Variants in SUV39H2 observed in about 807,000 individuals in gnomAD.
The protein encoded by SUV39H2 is SUV39H2 histone lysine methyltransferase, also known as histone-lysine N-methyltransferase SUV39H2.
A neutral mutation model predicts 47.5 loss-of-function variants in SUV39H2; 10 were observed. The observed-to-expected ratio is 0.21, with a 90% confidence interval of 0.13 to 0.36. The LOEUF (loss-of-function observed/expected upper bound fraction) is 0.36. Among genes scored for constraint, SUV39H2 ranks in the 10% least tolerant of loss-of-function variants. The pLI is 1.00. For missense variants in SUV39H2, 266 were observed against 487.4 expected (o/e 0.55, Z 4.28); for synonymous variants, 159 against 166.8 (o/e 0.95, Z 0.36).
At chr10:14,879,972 T>C (rs1182030822) in intron 1 of SUV39H2, 1 of 152,018 alleles carries the variant, frequency 6.6e-6, no homozygotes, top group Non-Finnish European at 1.5e-5. Context: ...GGTTGTGTTT[T>C]GAATCCTCAA....
chr10:14,881,308 GA>G (rs1490256586), intron 1 of SUV39H2, among the ~76,000 whole-genome samples, 191 bp from the exon 2 acceptor site: 3 of 152,150 alleles, frequency 2.0e-5, no homozygotes, highest in African/African-American at 7.2e-5. Context: ...GAAAATCCAA[GA>G]ACACCAATTT....
chr10:14,879,552 G>C (rs888976444), intron 1 of SUV39H2, among the ~76,000 whole-genome samples: 2 of 152,116 alleles, frequency 1.3e-5, no homozygotes, highest in Non-Finnish European at 2.9e-5. Flanking sequence ...TTCACCCACC[G>C]GGAGCTTGGT....
At chr10:14,897,926 C>CT (rs1260423527) in intron 3 of SUV39H2, 1 of 153,080 alleles carries the variant, frequency 6.5e-6, no homozygotes, top group Admixed American at 6.5e-5. Flanking sequence ...TGGCAGAACT[C>CT]TATTTTGGAT....
At chr10:14,879,438 G>C (rs565889926) in intron 1 of SUV39H2, among the ~76,000 whole-genome samples, 2 of 152,340 alleles carry the variant, frequency 1.3e-5, no homozygotes, top group South Asian at 2.1e-4. Flanking sequence ...GGATAAGCGA[G>C]GAATCCCCCC....
At chr10:14,884,870 CATT>C (rs1392355287) in intron 2 of SUV39H2, among the ~76,000 whole-genome samples, 1 of 152,118 alleles carries the variant, frequency 6.6e-6, no homozygotes, top group Non-Finnish European at 1.5e-5. Context: ...AAACAAGGAT[CATT>C]ATTGTACTAT....
Position 14,896,995 on chromosome 10 carries a change from A to G in SUV39H2, c.327A>G (p.Ala109=), listed in dbSNP as rs1466446268. 20 of 1,614,060 alleles carry G rather than the reference A, an allele frequency of 1.2e-5. No homozygotes were observed. The highest frequency in any genetic ancestry group is 1.7e-5 in the Non-Finnish European group (20 of 1,180,048). The change falls in exon 3 of 6, where the codon GCA becomes GCG. Residue 109 remains alanine, a synonymous_variant. Transcript: ENST00000354919. ...NYLSQVKKGK[A]ITPKDNNKTL... is the part of the protein sequence containing the mutation. ...TATCTCAGGTAAAGAAAGGCAAAGC[A>G]ATAACTCCAAAAGACAATAACAAAA...
downstream of SUV39H2, chr10:14,904,315 A>ATTTTTTT (rs35999949): frequency 1.3e-5 from 1 of 77,762 alleles, no homozygotes; most frequent in East Asian, 3.9e-4. Flanking sequence ...AAAAAAAAAA[A>ATTTTTTT]TTTTTTTTTT....
rs1588871060 is a variant in SUV39H2 at position 14,903,442 on chromosome 10, T to C, written c.*930T>C. On this transcript the variant is annotated 3_prime_UTR_variant, in exon 6 of 6. Coordinates refer to ENST00000354919, the MANE Select transcript of SUV39H2 (RefSeq NM_001193424.2). The stretch of plus-strand genomic sequence containing the variant: ...GTACATTAACATTACAGCCTCTCAA[T>C]TTCAGGCAGGTGTAACAGTTCCTTT... 1 of 152,218 alleles carries C rather than the reference T, an allele frequency of 6.6e-6. No homozygotes were observed. The highest frequency in any genetic ancestry group is 2.4e-5 in the African/African-American group (1 of 41,466). 9.4% of individuals were successfully genotyped at this position (152,218 alleles called of 1,614,324 possible). A position where few individuals can be genotyped will look rare whatever the true frequency, so the allele number is the denominator to read the frequency against.
intron 2 of SUV39H2, among the ~76,000 whole-genome samples, chr10:14,888,895 G>A (rs562194228): frequency 4.6e-5 from 7 of 152,134 alleles, no homozygotes; most frequent in African/African-American, 7.2e-5. Flanking sequence ...ACCTGAGGTC[G>A]GGAGTTCGAA....
Position 14,878,881 on chromosome 10 carries a change from T to G in SUV39H2, c.-8T>G. On this transcript the variant is annotated 5_prime_UTR_variant, in exon 1 of 6. Coordinates refer to ENST00000354919, the MANE Select transcript of SUV39H2 (RefSeq NM_001193424.2). ...AGACCGCGCCAGTTTGAATGAAAGC[T>G]CTACAAGATGGCGGCGGTCGGGGCC... 6.7e-7 allele frequency: 1 copy of G among 1,488,642 alleles called. No homozygotes were observed. The highest frequency in any genetic ancestry group is 8.9e-7 in the Non-Finnish European group (1 of 1,118,618). The allele number at this position is 1,488,642 out of a possible 1,614,324, so 92.2% of individuals were successfully genotyped here.
chr10:14,896,740 A>G (rs866771521), intron 2 of SUV39H2, 106 bp from the exon 3 acceptor site: 2 of 909,758 alleles, frequency 2.2e-6, no homozygotes, highest in African/African-American at 3.3e-5. Flanking sequence ...AACTGTTAGT[A>G]AGAAAAATGG....
chr10:14,879,865 T>C (rs970551832), intron 1 of SUV39H2: 1 of 152,074 alleles, frequency 6.6e-6, no homozygotes, highest in African/African-American at 2.4e-5. Context: ...TACTGGAGAC[T>C]GTCGAGAGAT....
chr10:14,901,339 A>G lies in SUV39H2; in HGVS notation c.1126+77A>G, dbSNP rs1013265183. Reference sequence around the variant, plus strand: ...AAATCAGACTAGGAACAGACCTTAGATATTTGAACCAAACCTAATACTAAA... The same window carrying G: ...AAATCAGACTAGGAACAGACCTTAGGTATTTGAACCAAACCTAATACTAAA... On this transcript the variant is annotated intron_variant, in intron 5 of 5. Transcript: ENST00000354919. 1.3e-5 allele frequency: 20 copies of G among 1,574,490 alleles called. No individual in the cohort carries two copies. In the African/African-American group the frequency reaches 2.4e-4, roughly 19 times the overall value.
chr10:14,896,818 T>C, intron 2 of SUV39H2, 28 bp from the exon 3 acceptor site: 1 of 1,513,002 alleles, frequency 6.6e-7, no homozygotes, highest in Non-Finnish European at 8.9e-7. Context: ...CCGTCTGATT[T>C]GCATTTTATT....
chr10:14,903,205 C>G lies in SUV39H2; in HGVS notation c.*693C>G, dbSNP rs1029802909. 7 of 152,142 alleles carry G rather than the reference C, an allele frequency of 4.6e-5. No individual in the cohort carries two copies. The highest frequency in any genetic ancestry group is 1.7e-4 in the African/African-American group (7 of 41,432). 9.4% of individuals were successfully genotyped at this position (152,142 alleles called of 1,614,324 possible). On this transcript the variant is annotated 3_prime_UTR_variant, in exon 6 of 6. Transcript: ENST00000354919. The stretch of plus-strand genomic sequence containing the variant: ...CTAGAAGAAAAATCTCCGAAGAGCT[C>G]TCTCTAGAAGTCCAAAATGGCTAGC...
intron 4 of SUV39H2, 142 bp from the exon 5 acceptor site, chr10:14,900,991 C>T: frequency 2.8e-6 from 3 of 1,076,570 alleles, no homozygotes; most frequent in South Asian, 1.8e-5. Flanking sequence ...ATGTGCATGC[C>T]TCAAAGACCT....
chr10:14,881,618 A>C lies in SUV39H2; in HGVS notation c.150A>C (p.Glu50Asp), dbSNP rs1833041146. The change falls in exon 2 of 6, where the codon GAA (glutamate) becomes GAC (aspartate). Residue 50 changes from glutamate (E) to aspartate (D), a missense_variant. Physicochemically the swap from Glu to Asp is conservative, Grantham distance 45 (BLOSUM62 2). Transcript: ENST00000354919. ...TKRNLNNYEVEYLCDYKVVKD... is the reference protein window; with the variant it reads ...TKRNLNNYEVDYLCDYKVVKD... ...GGAATCTAAACAATTATGAGGTGGA[A>C]TACTTGTGTGACTACAAGGTAGTAA... 3 of 1,596,402 alleles carry C rather than the reference A, an allele frequency of 1.9e-6. No homozygotes were observed. The highest frequency in any genetic ancestry group is 2.6e-6 in the Non-Finnish European group (3 of 1,174,034).
intron 3 of SUV39H2, chr10:14,898,138 A>G (rs1007756518): frequency 2.0e-5 from 3 of 147,092 alleles, no homozygotes; most frequent in African/African-American, 7.5e-5. Flanking sequence ...GTCACATACT[A>G]TTCTAAGCAC....
At chr10:14,888,894 C>T (rs1164832188) in intron 2 of SUV39H2, among the ~76,000 whole-genome samples, 2 of 152,038 alleles carry the variant, frequency 1.3e-5, no homozygotes, top group Non-Finnish European at 2.9e-5. Context: ...CACCTGAGGT[C>T]GGGAGTTCGA....
Sources: gnomAD v4.1 joint callset for allele counts (sites outside exome capture counted in the v4.1 genomes callset) on GRCh38, gnomAD v4.1.1 for gene constraint, MANE v1.5 for transcripts, NCBI Gene and HGNC (gene_info 2026-07-23, HGNC 2026-07-21) for gene names.